RBPMS: variants seen among roughly 807,000 people sequenced by gnomAD.
RBPMS encodes RNA binding protein, mRNA processing factor.
A neutral mutation model predicts 26.8 loss-of-function variants in RBPMS; 7 were observed. That is an observed-to-expected ratio of 0.26 (90% CI 0.15 to 0.49). The LOEUF (loss-of-function observed/expected upper bound fraction) is 0.49, where lower values mean the gene tolerates loss of function less well. RBPMS is among the 20% of genes least tolerant of loss of function. RBPMS has a pLI of 0.98. For missense variants in RBPMS, 186 were observed against 250.0 expected (o/e 0.74, Z 1.73); for synonymous variants, 96 against 93.3 (o/e 1.03, Z -0.17).
chr8:30,496,300 C>G (rs1819945366), intron 4 of RBPMS, among the ~76,000 whole-genome samples: 1 of 152,030 alleles, frequency 6.6e-6, no homozygotes, highest in South Asian at 2.1e-4. Flanking sequence ...TCCCAAGTAT[C>G]TGGGACTACA....
At chr8:30,491,998 T>G (rs1819450317) in intron 4 of RBPMS, among the ~76,000 whole-genome samples, 1 of 152,100 alleles carries the variant, frequency 6.6e-6, no homozygotes, top group Admixed American at 6.5e-5. Context: ...TTCAGGCAAT[T>G]CTTCTGCCTC....
intron 1 of RBPMS, among the ~76,000 whole-genome samples, chr8:30,385,730 GT>G (rs1370090109): frequency 6.6e-6 from 1 of 152,178 alleles, no homozygotes; most frequent in Non-Finnish European, 1.5e-5. Context: ...GTGAACGCTT[GT>G]GATTTTAGGG....
intron 1 of RBPMS, among the ~76,000 whole-genome samples, chr8:30,426,421 A>C (rs1338524750): frequency 6.6e-6 from 1 of 152,198 alleles, no homozygotes; most frequent in African/African-American, 2.4e-5. Context: ...TTCACTGTTT[A>C]GACGGGAGGC....
intron 1 of RBPMS, among the ~76,000 whole-genome samples, chr8:30,441,569 A>G (rs551688556): frequency 1.3e-5 from 2 of 152,300 alleles, no homozygotes; most frequent in East Asian, 1.9e-4. Context: ...ACAGTCAAGA[A>G]GATGGATAAG....
At chr8:30,562,953 C>A (rs1325668263) in intron 7 of RBPMS, among the ~76,000 whole-genome samples, 1 of 152,204 alleles carries the variant, frequency 6.6e-6, no homozygotes, top group Non-Finnish European at 1.5e-5. Context: ...ATTCTCTAGA[C>A]AAACATTTGT....
intron 4 of RBPMS, among the ~76,000 whole-genome samples, chr8:30,498,065 C>A (rs73570086): frequency 6.7e-6 from 1 of 150,130 alleles, no homozygotes; most frequent in Non-Finnish European, 1.5e-5. Flanking sequence ...TAGATGGGAT[C>A]GTATATTACT....
chr8:30,471,771 A>T (rs981954953), intron 1 of RBPMS, among the ~76,000 whole-genome samples: 9 of 152,164 alleles, frequency 5.9e-5, no homozygotes, highest in African/African-American at 1.9e-4. Flanking sequence ...TATCTTTGAC[A>T]CTTGTCAGCA....
Position 30,549,610 on chromosome 8 carries a change from C to T in RBPMS, c.528+4986C>T, listed in dbSNP as rs763194414. 1.6e-5 allele frequency: 25 copies of T among 1,581,412 alleles called. No individual in the cohort carries two copies. The East Asian group carries it at 5.6e-4, about 35-fold the overall frequency. The stretch of plus-strand genomic sequence containing the variant: ...GGTGAGGCTTTCTAGGAGCACCTGG[C>T]TTAGCTCTCACAGGAGGAGGGGCGG... On this transcript the variant is annotated intron_variant, in intron 6 of 8. Transcript: ENST00000397323.
chr8:30,470,744 C>T (rs1430109348), intron 1 of RBPMS, among the ~76,000 whole-genome samples: 1 of 152,108 alleles, frequency 6.6e-6, no homozygotes, highest in Non-Finnish European at 1.5e-5. Context: ...AAATAAAATG[C>T]CAAACATCTG....
intron 1 of RBPMS, among the ~76,000 whole-genome samples, chr8:30,430,750 A>G (rs545378076): frequency 1.3e-5 from 2 of 152,308 alleles, no homozygotes; most frequent in South Asian, 4.1e-4. Context: ...GGTTTCTCCT[A>G]AAGACTAAAG....
Position 30,496,885 on chromosome 8 carries a change from C to T in RBPMS, c.247-7401C>T, listed in dbSNP as rs57976116. Among the ~76,000 whole-genome samples the T allele has an allele frequency of 6.9e-3, 1,046 of 152,276 alleles. 8 individuals carry two copies. Among genetic ancestry groups the T allele is most frequent in the African/African-American group, 0.024 (977 of 41,558 alleles). ...GGAGTCATTTCAGGCTCCAACTGAG[C>T]GTAACAATTGTTTTCACAGACTCCT... is the stretch of plus-strand genomic sequence containing the variant. On this transcript the variant is annotated intron_variant, in intron 4 of 8. Coordinates refer to ENST00000397323, the MANE Select transcript of RBPMS (RefSeq NM_001008710.3).
chr8:30,556,809 T>C lies in RBPMS; in HGVS notation c.529-2078T>C, dbSNP rs534013049. The C allele has an allele frequency of 6.4e-5, 63 of 984,792 alleles. No homozygotes were observed. In the African/African-American group the frequency reaches 1.0e-3, roughly 16 times the overall value. 61.0% of individuals were successfully genotyped at this position (984,792 alleles called of 1,614,324 possible). ...ATGAGCCGTGGGTAGGTATGAGTTC[T>C]TTCTTCTCCCCACCTCTGCCCTCCC... On this transcript the variant is annotated intron_variant, in intron 6 of 8. Transcript: ENST00000397323.
chr8:30,556,049 G>A, intron 6 of RBPMS: 15 of 985,440 alleles, frequency 1.5e-5, no homozygotes, highest in Non-Finnish European at 1.7e-5. Flanking sequence ...GCGCAGCGGA[G>A]CCTCTCAGGC....
chr8:30,466,543 G>C (rs1347115560), intron 1 of RBPMS, among the ~76,000 whole-genome samples: 1 of 151,930 alleles, frequency 6.6e-6, no homozygotes, highest in African/African-American at 2.4e-5. Context: ...ACCCAAACCT[G>C]GGAGTCCATA....
At chr8:30,516,836 G>A (rs1822358795) in intron 5 of RBPMS, among the ~76,000 whole-genome samples, 1 of 151,738 alleles carries the variant, frequency 6.6e-6, no homozygotes, top group South Asian at 2.1e-4. Flanking sequence ...TAAGGCTATA[G>A]TGTATCTTGT....
At chr8:30,542,782 C>T (rs1825518248) in intron 5 of RBPMS, among the ~76,000 whole-genome samples, 1 of 152,226 alleles carries the variant, frequency 6.6e-6, no homozygotes, top group African/African-American at 2.4e-5. Flanking sequence ...ACGTGAGTTA[C>T]TCTGGAAATC....
intron 1 of RBPMS, among the ~76,000 whole-genome samples, chr8:30,473,207 C>G (rs1009015101): frequency 1.3e-5 from 2 of 152,140 alleles, no homozygotes; most frequent in Non-Finnish European, 2.9e-5. Flanking sequence ...TTGCCCTTCC[C>G]CAAGAATGTT....
chr8:30,486,028 T>C (rs1235820428), intron 4 of RBPMS, among the ~76,000 whole-genome samples: 2 of 152,192 alleles, frequency 1.3e-5, no homozygotes, highest in Non-Finnish European at 2.9e-5. Context: ...AGCATTTACA[T>C]AGGAAACTAG....
At chr8:30,490,746 TA>T (rs1297837840) in intron 4 of RBPMS, among the ~76,000 whole-genome samples, 2 of 152,204 alleles carry the variant, frequency 1.3e-5, no homozygotes, top group South Asian at 4.1e-4. Flanking sequence ...AGTTTATAGA[TA>T]AGCCTTTTTG....
Sources: allele counts gnomAD v4.1 joint callset (sites outside exome capture counted in the v4.1 genomes callset), GRCh38; gene constraint gnomAD v4.1.1; transcripts MANE v1.5; gene names NCBI Gene and HGNC (gene_info 2026-07-23, HGNC 2026-07-21).